AGFG1: variants seen among roughly 807,000 people sequenced by gnomAD.
AGFG1 encodes arf-GAP domain and FG repeat-containing protein 1.
A neutral mutation model predicts 60.6 loss-of-function variants in AGFG1; 10 were observed. That is an observed-to-expected ratio of 0.16 (90% CI 0.10 to 0.28). The LOEUF (loss-of-function observed/expected upper bound fraction) is 0.28, where lower values mean the gene tolerates loss of function less well. Ranked by LOEUF, AGFG1 falls within the 10% of genes least tolerant of loss-of-function variation. The pLI is 1.00. For missense variants in AGFG1, 537 were observed against 676.5 expected (o/e 0.79, Z 2.29); for synonymous variants, 247 against 242.9 (o/e 1.02, Z -0.16).
At chr2:227,502,466 G>A (rs775786410) in intron 2 of AGFG1, among the ~76,000 whole-genome samples, 2 of 151,962 alleles carry the variant, frequency 1.3e-5, no homozygotes, top group Non-Finnish European at 2.9e-5. Flanking sequence ...GACCACAAGC[G>A]CACACCACCA....
Position 227,554,475 on chromosome 2 carries a change from T to C in AGFG1, c.1669T>C (p.Ser557Pro), listed in dbSNP as rs1692912269. Residue 557 changes from serine (S) to proline (P), a missense_variant, in exon 13 of 13, where the codon TCA (serine) becomes CCA (proline). By Grantham distance (74) the Ser-to-Pro change is moderately conservative. This residue lies in a region of AGFG1 where 28 missense variants were observed against 51.5 expected (regional missense o/e 0.54). Coordinates refer to ENST00000310078, the MANE Select transcript of AGFG1 (RefSeq NM_004504.5). Reference sequence around the variant, plus strand: ...AGGACAATTTCCAACAGGAAGCTCATCAACCAATCCTTTCTTATAGCCTTA... The same window carrying C: ...AGGACAATTTCCAACAGGAAGCTCACCAACCAATCCTTTCTTATAGCCTTA... ...PTGQFPTGSS[S>P]TNPFL 6.2e-7 allele frequency: 1 copy of C among 1,613,580 alleles called. No individual in the cohort carries two copies. The highest frequency in any genetic ancestry group is 1.7e-5 in the Admixed American group (1 of 59,966).
chr2:227,535,089 CAATT>C (rs1692268098), intron 8 of AGFG1, 64 bp downstream of exon 8: 8 of 1,369,810 alleles, frequency 5.8e-6, no homozygotes, highest in Non-Finnish European at 7.6e-6. Context: ...TTTGAATAAT[CAATT>C]AAAAAATGAC....
intron 1 of AGFG1, among the ~76,000 whole-genome samples, chr2:227,486,351 A>G (rs929550896): frequency 6.6e-6 from 1 of 152,130 alleles, no homozygotes; most frequent in Non-Finnish European, 1.5e-5. Flanking sequence ...TTTATGGACT[A>G]TCATATTGTA....
intron 2 of AGFG1, among the ~76,000 whole-genome samples, chr2:227,512,089 C>T (rs969852364): frequency 2.0e-5 from 3 of 152,120 alleles, no homozygotes; most frequent in Admixed American, 6.5e-5. Context: ...ATAAACAAGT[C>T]GGATTTCATA....
Sources: allele counts gnomAD v4.1 joint callset (sites outside exome capture counted in the v4.1 genomes callset), GRCh38; gene constraint gnomAD v4.1.1; regional missense constraint gnomAD v4.1.1; transcripts MANE v1.5; gene names NCBI Gene and HGNC (gene_info 2026-07-23, HGNC 2026-07-21).